The following ATP13A4 variants were observed in gnomAD, a reference collection of about 807,000 sequenced individuals.
ATP13A4 encodes the protein ATPase 13A4.
ATP13A4 carries 114 observed loss-of-function variants against 142.5 expected under a neutral mutation model. That is an observed-to-expected ratio of 0.80 (90% CI 0.69 to 0.93). ATP13A4 has a LOEUF of 0.93. Among genes scored for constraint, ATP13A4 ranks in the 40% least tolerant of loss-of-function variants. ATP13A4 has a pLI of 0.00. For missense variants in ATP13A4, 1,392 were observed against 1,454.0 expected, an observed-to-expected ratio of 0.96 and a Z score of 0.69; for synonymous variants, 488 against 514.8, an observed-to-expected ratio of 0.95 and a Z score of 0.70.
chr3:193,458,980 T>A (rs1717792888), intron 14 of ATP13A4, 101 bp downstream of exon 14: 1 of 1,535,030 alleles, frequency 6.5e-7, no homozygotes, highest in Non-Finnish European at 9.0e-7. Flanking sequence ...TACTCCACAT[T>A]GGAAACCTCA....
chr3:193,445,381 A>G (rs1716886991), intron 18 of ATP13A4, among the ~76,000 whole-genome samples: 1 of 152,062 alleles, frequency 6.6e-6, no homozygotes, highest in Admixed American at 6.6e-5. Flanking sequence ...GGTTGCAGCG[A>G]GCCGAGATCG....
intron 25 of ATP13A4, among the ~76,000 whole-genome samples, chr3:193,432,071 G>A (rs1243778369): frequency 6.6e-6 from 1 of 151,624 alleles, no homozygotes; most frequent in Non-Finnish European, 1.5e-5. Flanking sequence ...AAAGAAAGAA[G>A]ATATGAGAAT....
intron 1 of ATP13A4, among the ~76,000 whole-genome samples, chr3:193,516,998 A>C (rs1294876031): frequency 6.6e-6 from 1 of 152,244 alleles, no homozygotes; most frequent in African/African-American, 2.4e-5. Flanking sequence ...GGCACTTAAT[A>C]GCCTTTCACT....
chr3:193,573,260 C>CATATATATATATATAT (rs373692119), intron 2 of ATP13A4, among the ~76,000 whole-genome samples: 15 of 79,018 alleles, frequency 1.9e-4, no homozygotes, highest in African/African-American at 9.0e-4. Context: ...ATACCACAGC[C>CATATATATATATATAT]ATATATATAT....
In ATP13A4 at chr3:193,483,975, A is replaced by C; in HGVS notation, c.769T>G (p.Ser257Ala). 1.9e-6 allele frequency: 3 copies of C among 1,610,302 alleles called. No homozygotes were observed. Among genetic ancestry groups the C allele is most frequent in the Non-Finnish European group, 2.5e-6 (3 of 1,176,682 alleles). ...ACAGAGACCGTAATGCTATTATGTG[A>C]CTCGACGAGATGGTGGAGTTTTACA... ...QSVKLHHLVE[S>A]HNSITVSVCG... Residue 257 changes from serine to alanine, a missense_variant, in exon 8 of 30, where the codon TCA becomes GCA. Ser to Ala is a moderately conservative substitution (Grantham distance 99). Transcript: ENST00000342695.
chr3:193,475,016 G>A (rs956218894), intron 8 of ATP13A4, among the ~76,000 whole-genome samples: 2 of 152,054 alleles, frequency 1.3e-5, no homozygotes, highest in African/African-American at 4.8e-5. Flanking sequence ...TCAAGGCTGC[G>A]AGGAATCAGT....
chr3:193,421,173 A>G (rs1229181034), intron 25 of ATP13A4, among the ~76,000 whole-genome samples: 1 of 150,088 alleles, frequency 6.7e-6, no homozygotes, highest in Non-Finnish European at 1.5e-5. Context: ...GCAAGAGAAA[A>G]GTGCCAAATC....
chr3:193,486,942 T>TA (rs1204980596), intron 7 of ATP13A4, among the ~76,000 whole-genome samples: 1 of 152,208 alleles, frequency 6.6e-6, no homozygotes, highest in Non-Finnish European at 1.5e-5. Context: ...TTCATTTGCC[T>TA]AAAAACTTTT....
intron 5 of ATP13A4, among the ~76,000 whole-genome samples, chr3:193,492,284 G>A (rs1005889889): frequency 2.0e-5 from 3 of 152,100 alleles, no homozygotes; most frequent in Non-Finnish European, 4.4e-5. Flanking sequence ...AGAACAGCAA[G>A]GCCTTTAAAG....
chr3:193,522,922 T>C lies in ATP13A4; in HGVS notation c.61-8051A>G, dbSNP rs1721801911. Among the ~76,000 whole-genome samples the C allele has an allele frequency of 2.0e-5, 3 of 152,204 alleles. No individual in the cohort carries two copies. In the South Asian group the frequency reaches 6.2e-4, roughly 31 times the overall value. Reference sequence around the variant, plus strand: ...TCTTTAGTATAATAATAAATAAATATTTTGTCTTTGTCTCCAGTTTCTGGC... The same window carrying C: ...TCTTTAGTATAATAATAAATAAATACTTTGTCTTTGTCTCCAGTTTCTGGC... On this transcript the variant is annotated intron_variant, in intron 1 of 29. Coordinates refer to ENST00000342695, the MANE Select transcript of ATP13A4 (RefSeq NM_032279.4).
chr3:193,502,599 A>G lies in ATP13A4; in HGVS notation c.275T>C (p.Ile92Thr). The G allele has an allele frequency of 6.2e-7, 1 of 1,613,946 alleles. No individual in the cohort carries two copies. The change falls in exon 3 of 30, where the codon ATC (isoleucine) becomes ACC (threonine). Residue 92 changes from isoleucine to threonine, a missense_variant. Ile to Thr is a moderately conservative substitution (Grantham distance 89). Transcript: ENST00000342695. ...QIYSWKKVIW[I>T]YLSALNSAFG... ...TGCGCTGTTTAATGCTGACAGGTAG[A>G]TCCATATTACCTTTTTCCAAGAGTA...
chr3:193,453,690 T>C (rs1470685214), intron 17 of ATP13A4, among the ~76,000 whole-genome samples: 1 of 152,136 alleles, frequency 6.6e-6, no homozygotes, highest in Non-Finnish European at 1.5e-5. Flanking sequence ...CAATCAAAAA[T>C]TTTTTCTGGT....
intron 2 of ATP13A4, among the ~76,000 whole-genome samples, chr3:193,573,290 C>CTTATATATATATGTGT (rs1279066051): frequency 4.5e-5 from 5 of 109,962 alleles, no homozygotes; most frequent in African/African-American, 2.2e-4. Context: ...TATATATATA[C>CTTATATATATATGTGT]ACATATATAT....
At chr3:193,491,506 ACCAACAT>A in intron 5 of ATP13A4, 108 bp from the exon 6 acceptor site, 4 of 839,190 alleles carry the variant, frequency 4.8e-6, no homozygotes, top group Non-Finnish European at 8.1e-6. Flanking sequence ...CACTTGTGAG[ACCAACAT>A]AAGTCTCCCT....
intron 1 of ATP13A4, among the ~76,000 whole-genome samples, chr3:193,543,520 C>T (rs1723057457): frequency 6.6e-6 from 1 of 152,144 alleles, no homozygotes; most frequent in Non-Finnish European, 1.5e-5. Flanking sequence ...ACTAGTCTTG[C>T]CAAACCAACC....
intron 18 of ATP13A4, among the ~76,000 whole-genome samples, chr3:193,445,573 A>G (rs1293577616): frequency 6.6e-6 from 1 of 152,120 alleles, no homozygotes; most frequent in Non-Finnish European, 1.5e-5. Flanking sequence ...CCTGGCCAAC[A>G]TGGTGAAACC....
At chr3:193,459,308 CT>C in intron 13 of ATP13A4, 77 bp from the exon 14 acceptor site, 1 of 1,541,070 alleles carries the variant, frequency 6.5e-7, no homozygotes, top group Non-Finnish European at 8.9e-7. Context: ...GAACAAACAT[CT>C]TTATAAAAAA....
intron 2 of ATP13A4, among the ~76,000 whole-genome samples, chr3:193,573,295 A>ATATATATGTG (rs1560287323): frequency 1.2e-5 from 1 of 83,962 alleles, no homozygotes; most frequent in African/African-American, 5.4e-5. Flanking sequence ...ATATACACAT[A>ATATATATGTG]TATATATATA....
At chr3:193,582,783 AAT>A (rs1403423930) in intron 1 of ATP13A4, among the ~76,000 whole-genome samples, 1 of 46,568 alleles carries the variant, frequency 2.1e-5, no homozygotes, top group Non-Finnish European at 3.4e-5. Context: ...ACATATATAA[AAT>A]ATATATGTAT....
Sources: allele counts gnomAD v4.1 joint callset (sites outside exome capture counted in the v4.1 genomes callset), GRCh38; gene constraint gnomAD v4.1.1; transcripts MANE v1.5; gene names NCBI Gene and HGNC (gene_info 2026-07-23, HGNC 2026-07-21).